CCDC7: variants seen among roughly 807,000 people sequenced by gnomAD.
CCDC7 encodes coiled-coil domain-containing protein 7.
Under a neutral mutation model 196.9 loss-of-function variants are expected in CCDC7, and 183 were observed. The observed-to-expected ratio is 0.93, with a 90% CI of 0.82 to 1.05. The LOEUF is 1.05. CCDC7 is among the 50% of genes least tolerant of loss of function. The probability of loss-of-function intolerance (pLI) is 0.00; values close to 1 mark genes in which losing one functional copy is unlikely to be tolerated. For synonymous variants in CCDC7, 525 were observed against 484.6 expected (o/e 1.08, Z -1.10); for missense variants, 1,540 against 1,482.2 (o/e 1.04, Z -0.64).
At chr10:32,535,513 A>G (rs1292023955) in intron 11 of CCDC7, among the ~76,000 whole-genome samples, 1 of 152,136 alleles carries the variant, frequency 6.6e-6, no homozygotes, top group East Asian at 1.9e-4. Flanking sequence ...TGGGGTGCTT[A>G]CAGGTCATAG....
chr10:32,450,516 C>T (rs1408063822), upstream of CCDC7, among the ~76,000 whole-genome samples: 1 of 152,184 alleles, frequency 6.6e-6, no homozygotes, highest in Non-Finnish European at 1.5e-5. Flanking sequence ...ACCAGTGTTA[C>T]ATTACTCTAT....
chr10:32,677,278 A>G (rs570968367), intron 21 of CCDC7, among the ~76,000 whole-genome samples: 307 of 151,384 alleles, frequency 2.0e-3, no homozygotes, highest in Admixed American at 4.1e-3. Flanking sequence ...TGACGAGTTA[A>G]TGGGTGCAGC....
intron 20 of CCDC7, among the ~76,000 whole-genome samples, chr10:32,641,683 C>T (rs984781075): frequency 7.2e-5 from 11 of 152,166 alleles, no homozygotes; most frequent in South Asian, 2.1e-4. Context: ...AGCTTTGTTC[C>T]GTTGCTGGTG....
intron 29 of CCDC7, among the ~76,000 whole-genome samples, chr10:32,794,317 C>A (rs897746493): frequency 6.6e-6 from 1 of 152,186 alleles, no homozygotes; most frequent in Admixed American, 6.5e-5. Context: ...TTTATCCAGT[C>A]CACAGTTGAT....
At chr10:32,784,445 T>C (rs2081509217) in intron 29 of CCDC7, among the ~76,000 whole-genome samples, 1 of 152,146 alleles carries the variant, frequency 6.6e-6, no homozygotes, top group Non-Finnish European at 1.5e-5. Context: ...TTCTCATTGG[T>C]CAGCTCCCAC....
intron 18 of CCDC7, among the ~76,000 whole-genome samples, chr10:32,628,727 A>G (rs927957256): frequency 6.6e-6 from 1 of 151,898 alleles, no homozygotes; most frequent in Non-Finnish European, 1.5e-5. Context: ...GTCTCATTGT[A>G]TGTTTTAATT....
chr10:32,499,102 T>TTC (rs2043420585), intron 9 of CCDC7: 1 of 150,088 alleles, frequency 6.7e-6, no homozygotes, highest in East Asian at 1.9e-4. Flanking sequence ...TTTTTTTTTT[T>TTC]CCAGGAGGAA....
intron 14 of CCDC7, among the ~76,000 whole-genome samples, chr10:32,567,000 AT>A (rs534571083): frequency 0.11 from 5,861 of 51,630 alleles, 131 homozygotes; most frequent in Middle Eastern, 0.17. Flanking sequence ...ATATAAAAAA[AT>A]ATCTTTGTGT....
At chr10:32,619,585 T>G (rs1230515460) in intron 18 of CCDC7, among the ~76,000 whole-genome samples, 1 of 152,048 alleles carries the variant, frequency 6.6e-6, no homozygotes, top group African/African-American at 2.4e-5. Flanking sequence ...CCCTACCAGA[T>G]CTTAGACAAT....
rs141398540 is a variant in CCDC7 at position 32,566,417 on chromosome 10, A to G, written c.1197+797A>G. Among the ~76,000 whole-genome samples the G allele has an allele frequency of 8.6e-3, 1,309 of 152,298 alleles. 12 individuals are homozygous for G. The highest frequency in any genetic ancestry group is 0.02 in the Middle Eastern group (6 of 294). On this transcript the variant is annotated intron_variant, in intron 14 of 41. Coordinates refer to ENST00000639629, the Ensembl canonical transcript of CCDC7. ...AGTATGTACAATGTCATATGTTTTA[A>G]TAGCAAAAATTTTGAAATGATCTAA...
At chr10:32,541,790 G>C (rs1362140641) in intron 11 of CCDC7, among the ~76,000 whole-genome samples, 1 of 152,192 alleles carries the variant, frequency 6.6e-6, no homozygotes, top group Non-Finnish European at 1.5e-5. Flanking sequence ...GTTGGTGGGG[G>C]CCCAGGGGGA....
intron 31 of CCDC7, 30 bp from the exon 33 acceptor site, chr10:32,824,487 AG>A: frequency 7.1e-7 from 1 of 1,409,394 alleles, no homozygotes; most frequent in Non-Finnish European, 9.9e-7. Context: ...ACATTAAAAA[AG>A]TGTTTTGAAA....
chr10:32,784,820 G>T (rs1477581482), intron 29 of CCDC7, among the ~76,000 whole-genome samples: 1 of 152,058 alleles, frequency 6.6e-6, no homozygotes, highest in Non-Finnish European at 1.5e-5. Context: ...TGGCCCACAT[G>T]GTGAAGCCCC....
rs529929324 is a variant in CCDC7, at chr10:32,522,366, T to C, written c.993+3861T>C. 1.1e-4 allele frequency among the ~76,000 whole-genome samples: 16 copies of C among 152,270 alleles called. 1 individual carries two copies. In the South Asian group the frequency reaches 3.3e-3, roughly 32 times the overall value. ...ATCTCGTTACTTTTTGTTGGTCAGT[T>C]CAGGTTTTGGATTTTTTCATGTTTC... is the stretch of plus-strand genomic sequence containing the variant. On this transcript the variant is annotated intron_variant, in intron 11 of 41. Coordinates refer to ENST00000639629, the Ensembl canonical transcript of CCDC7.
upstream of CCDC7, among the ~76,000 whole-genome samples, chr10:32,450,282 G>C (rs555757939): frequency 2.0e-5 from 3 of 152,140 alleles, no homozygotes; most frequent in Non-Finnish European, 4.4e-5. Flanking sequence ...TCTGCCTGTC[G>C]CTATATGGTC....
At chr10:32,520,231 C>T (rs1021360719) in intron 11 of CCDC7, among the ~76,000 whole-genome samples, 3 of 152,084 alleles carry the variant, frequency 2.0e-5, no homozygotes, top group African/African-American at 7.2e-5. Flanking sequence ...GGGATATATA[C>T]ATATCAATAG....
chr10:32,563,802 G>C (rs1289892685), intron 13 of CCDC7, among the ~76,000 whole-genome samples: 8 of 151,944 alleles, frequency 5.3e-5, no homozygotes, highest in Non-Finnish European at 1.0e-4. Context: ...TGACAAATGG[G>C]ATCTAATTAA....
At chr10:32,738,494 T>TTTTTTTTTA (rs2085255872) in intron 28 of CCDC7, among the ~76,000 whole-genome samples, 1 of 138,236 alleles carries the variant, frequency 7.2e-6, no homozygotes, top group South Asian at 2.3e-4. Flanking sequence ...TTTTTTTTTT[T>TTTTTTTTTA]GACAGGGCCT....
chr10:32,511,801 A>G, intron 9 of CCDC7: 2 of 1,176,948 alleles, frequency 1.7e-6, no homozygotes, highest in Non-Finnish European at 2.5e-6. Context: ...AACGATGACG[A>G]CAATGACGCG....
Sources: allele counts gnomAD v4.1 joint callset (sites outside exome capture counted in the v4.1 genomes callset), GRCh38; gene constraint gnomAD v4.1.1; transcripts MANE v1.5; gene names NCBI Gene and HGNC (gene_info 2026-07-23, HGNC 2026-07-21).